ARFGEF1: variants seen among roughly 807,000 people sequenced by gnomAD.
ARFGEF1 encodes ARF guanine nucleotide exchange factor 1, also known as brefeldin A-inhibited guanine nucleotide-exchange protein 1.
In ARFGEF1, 42 loss-of-function variants were observed where a neutral mutation model predicts 231.0. The observed-to-expected ratio is 0.18, with a 90% CI of 0.14 to 0.24. The LOEUF (loss-of-function observed/expected upper bound fraction) is 0.24, where lower values mean the gene tolerates loss of function less well. ARFGEF1 is among the 10% of genes least tolerant of loss of function. ARFGEF1 has a pLI of 1.00. For synonymous variants in ARFGEF1, 710 were observed against 732.3 expected (o/e 0.97, Z 0.49); for missense variants, 1,345 against 2,192.0 (o/e 0.61, Z 7.72).
At position 67,343,322 on chromosome 8, in the gene ARFGEF1, C is replaced by T; in HGVS notation, c.-35G>A. 6.3e-7 allele frequency: 1 copy of T among 1,599,870 alleles called. No individual in the cohort carries two copies. Among genetic ancestry groups the T allele is most frequent in the Non-Finnish European group, 8.5e-7 (1 of 1,171,360 alleles). ...GAAGGAGGCGGCGGCTCGTCCGACCCGCGGCTCCCAGCGGCTGGAGGGGAG... is the reference window on the plus strand; with the variant it reads ...GAAGGAGGCGGCGGCTCGTCCGACCTGCGGCTCCCAGCGGCTGGAGGGGAG... On this transcript the variant is annotated 5_prime_UTR_variant, in exon 1 of 39. Transcript: ENST00000262215.
At chr8:67,241,448 G>C (rs1839924305) in intron 19 of ARFGEF1, among the ~76,000 whole-genome samples, 1 of 151,908 alleles carries the variant, frequency 6.6e-6, no homozygotes, top group African/African-American at 2.4e-5. Context: ...TATACAAGAA[G>C]AGATACAAAC....
At chr8:67,295,409 G>A (rs1313717240) in intron 5 of ARFGEF1, among the ~76,000 whole-genome samples, 1 of 152,050 alleles carries the variant, frequency 6.6e-6, no homozygotes, top group East Asian at 1.9e-4. Context: ...CCAACATTAA[G>A]GTATATCAAC....
chr8:67,244,135 A>G (rs1403547653), intron 19 of ARFGEF1, among the ~76,000 whole-genome samples: 1 of 149,050 alleles, frequency 6.7e-6, no homozygotes, highest in African/African-American at 2.5e-5. Context: ...CAAGCTACTC[A>G]GGAGGCTGAG....
At chr8:67,280,001 A>T (rs2128902131) in intron 7 of ARFGEF1, among the ~76,000 whole-genome samples, 1 of 152,350 alleles carries the variant, frequency 6.6e-6, no homozygotes, top group East Asian at 1.9e-4. Context: ...CAAAAAAAAA[A>T]TAAACAAGAG....
chr8:67,283,542 G>A (rs931778128), intron 7 of ARFGEF1, among the ~76,000 whole-genome samples: 161 of 151,954 alleles, frequency 1.1e-3, no homozygotes, highest in African/African-American at 3.5e-3. Flanking sequence ...ATTATGTACA[G>A]CAAAACACAC....
chr8:67,263,551 T>G lies in ARFGEF1; in HGVS notation c.2123+2455A>C, dbSNP rs181133395. Among the ~76,000 whole-genome samples the G allele has an allele frequency of 8.6e-3, 1,305 of 152,250 alleles. 12 individuals are homozygous for G. Among genetic ancestry groups the G allele is most frequent in the Middle Eastern group, 0.041 (12 of 294 alleles). ...TTACCTCCTGTTATTCCCCCTCCAC[T>G]CTAGCCTGCCATGCTGAACAAGTGC... On this transcript the variant is annotated intron_variant, in intron 14 of 38. Transcript: ENST00000262215.
At position 67,204,767 on chromosome 8, in the gene ARFGEF1, C is replaced by A; in HGVS notation, c.4872G>T (p.Gln1624His). 6.2e-7 allele frequency: 1 copy of A among 1,613,994 alleles called. No homozygotes were observed. The highest frequency in any genetic ancestry group is 8.5e-7 in the Non-Finnish European group (1 of 1,179,970). ...FAALLIKCVV[Q>H]LELIQTIDNI... ...TGTCGATAGTCTGGATGAGTTCCAG[C>A]TGCACAACACATTTAATCAACAGGG... Residue 1624 changes from glutamine (Q) to histidine (H), a missense_variant, in exon 35 of 39, where the codon CAG becomes CAT. Physicochemically the swap from Gln to His is conservative, Grantham distance 24. This residue lies in a region of ARFGEF1 where 161 missense variants were observed against 284.9 expected (regional missense o/e 0.57). Transcript: ENST00000262215.
chr8:67,302,580 C>A (rs903806765), intron 1 of ARFGEF1, 114 bp from the exon 2 acceptor site: 2 of 655,180 alleles, frequency 3.1e-6, no homozygotes, highest in Non-Finnish European at 4.8e-6. Flanking sequence ...GGAAAGAATG[C>A]AAATTTAATA....
In ARFGEF1 at chr8:67,238,716, G is replaced by T; in HGVS notation, c.3138+19C>A. ...ATTTTATAAACCAAATTGCAAAGTT[G>T]AAAATAAAGTGCTTATACCTCATGC... is the stretch of plus-strand genomic sequence containing the variant. On this transcript the variant is annotated intron_variant, in intron 21 of 38. Coordinates refer to ENST00000262215, the MANE Select transcript of ARFGEF1 (RefSeq NM_006421.5). 1 of 1,608,270 alleles carries T rather than the reference G, an allele frequency of 6.2e-7. No individual in the cohort carries two copies. The highest frequency in any genetic ancestry group is 8.5e-7 in the Non-Finnish European group (1 of 1,175,896).
chr8:67,244,444 AACCACAGG>A lies in ARFGEF1; in HGVS notation c.2851-4162_2851-4155del, dbSNP rs1197429058. ...CCACCTCAGCTTTCCTAGTAGCTGG[AACCACAGG>A]CACAAGCCACTATACCTGGCTAATT... On this transcript the variant is annotated intron_variant, in intron 19 of 38. Transcript: ENST00000262215. Among the ~76,000 whole-genome samples, 10 of 147,916 alleles carry A rather than the reference AACCACAGG, an allele frequency of 6.8e-5. 1 individual carries two copies. The East Asian group carries it at 1.6e-3, about 23-fold the overall frequency.
intron 1 of ARFGEF1, among the ~76,000 whole-genome samples, chr8:67,342,457 C>T (rs1444029991): frequency 1.3e-5 from 2 of 152,118 alleles, no homozygotes; most frequent in Admixed American, 1.3e-4. Flanking sequence ...TCATTTCAAA[C>T]CCTCCCTTCC....
chr8:67,258,539 G>C (rs1049391210), intron 15 of ARFGEF1, among the ~76,000 whole-genome samples: 1 of 151,860 alleles, frequency 6.6e-6, no homozygotes, highest in East Asian at 1.9e-4. Context: ...TCTTGGCCAG[G>C]CTGGTCTCCT....
At chr8:67,197,281 T>TAA (rs745380162), downstream of ARFGEF1, among the ~76,000 whole-genome samples, 13 of 148,034 alleles carry the variant, frequency 8.8e-5, no homozygotes, top group East Asian at 2.0e-4. Flanking sequence ...ATCCCATCTC[T>TAA]AAAAAAAAAA....
intron 29 of ARFGEF1, among the ~76,000 whole-genome samples, chr8:67,222,245 ATGTATG>A: frequency 7.3e-6 from 1 of 137,126 alleles, no homozygotes; most frequent in African/African-American, 2.7e-5. Flanking sequence ...GTATGTATGT[ATGTATG>A]TATGTATGTA....
intron 1 of ARFGEF1, among the ~76,000 whole-genome samples, chr8:67,341,042 A>G (rs1808602736): frequency 6.6e-6 from 1 of 152,164 alleles, no homozygotes; most frequent in South Asian, 2.1e-4. Flanking sequence ...ACAATCATTA[A>G]GTTCAATACC....
rs1230052342 is a variant in ARFGEF1 at position 67,177,707 on chromosome 8, A to T, written c.561-2135T>A. 2.5e-6 allele frequency: 4 copies of T among 1,612,364 alleles called. No homozygotes were observed. In the African/African-American group the frequency reaches 5.3e-5, roughly 21 times the overall value. ...GACTTAGATGCCATCCCAAGTGCTA[A>T]AGTACGAGAGCAAAGAATGGTAAGC... On this transcript the variant is annotated intron_variant, in intron 5 of 5. Transcript: ENST00000518789.
intron 1 of ARFGEF1, among the ~76,000 whole-genome samples, chr8:67,334,894 GACA>G (rs1439571554): frequency 1.3e-5 from 2 of 152,138 alleles, no homozygotes; most frequent in East Asian, 1.9e-4. Context: ...AGCTAGGGAT[GACA>G]ACAAGGGCAC....
intron 18 of ARFGEF1, among the ~76,000 whole-genome samples, chr8:67,252,996 C>T (rs1457417218): frequency 6.6e-6 from 1 of 151,828 alleles, no homozygotes; most frequent in Non-Finnish European, 1.5e-5. Flanking sequence ...TTATGACCTC[C>T]AAATCCCTGC....
chr8:67,195,676 C>T, downstream of ARFGEF1: 10 of 1,213,476 alleles, frequency 8.2e-6, no homozygotes, highest in South Asian at 1.4e-5. Context: ...CTACTTTTGG[C>T]CCCTACCTGA....
Sources: allele counts gnomAD v4.1 joint callset (sites outside exome capture counted in the v4.1 genomes callset), GRCh38; gene constraint gnomAD v4.1.1; regional missense constraint gnomAD v4.1.1; transcripts MANE v1.5; gene names NCBI Gene and HGNC (gene_info 2026-07-23, HGNC 2026-07-21).